Variants in TBCD observed in about 807,000 individuals in gnomAD.
TBCD encodes the protein tubulin-specific chaperone D.
TBCD carries 105 observed loss-of-function variants against 169.3 expected under a neutral mutation model. The ratio of observed to expected loss-of-function variants is 0.62; its 90% confidence interval spans 0.53 to 0.73. TBCD has a LOEUF of 0.73. Among genes scored for constraint, TBCD ranks in the 30% least tolerant of loss-of-function variants. The pLI is 0.00. For missense variants in TBCD, 1,444 were observed against 1,600.1 expected, an observed-to-expected ratio of 0.90 and a Z score of 1.66; for synonymous variants, 700 against 643.9, an observed-to-expected ratio of 1.09 and a Z score of -1.32.
chr17:82,780,282 C>T (rs1413544589), intron 6 of TBCD, among the ~76,000 whole-genome samples: 1 of 152,030 alleles, frequency 6.6e-6, no homozygotes, highest in Non-Finnish European at 1.5e-5. Context: ...AGGCCATGCC[C>T]TCCCGTTTCC....
At chr17:82,940,759 T>A (rs563811214) in intron 37 of TBCD, among the ~76,000 whole-genome samples, 88 of 151,544 alleles carry the variant, frequency 5.8e-4, no homozygotes, top group African/African-American at 7.0e-4. Context: ...ATGATTTTTT[T>A]AAAAAAAAAC....
At chr17:82,919,281 G>A (rs2061271730) in intron 23 of TBCD, among the ~76,000 whole-genome samples, 1 of 151,826 alleles carries the variant, frequency 6.6e-6, no homozygotes, top group Non-Finnish European at 1.5e-5. Flanking sequence ...GTTTCTTTTT[G>A]TTTCCCCCCT....
At chr17:82,897,472 C>T (rs985637923) in intron 17 of TBCD, among the ~76,000 whole-genome samples, 18 of 147,826 alleles carry the variant, frequency 1.2e-4, no homozygotes, top group Middle Eastern at 3.3e-3. Flanking sequence ...GAGCCGAAAT[C>T]GCGCCACTGC....
intron 3 of TBCD, among the ~76,000 whole-genome samples, chr17:82,765,553 T>C (rs544114190): frequency 6.6e-6 from 1 of 152,338 alleles, no homozygotes; most frequent in Admixed American, 6.5e-5. Context: ...ATTTCTGTTG[T>C]CTGGCGGGAA....
chr17:82,851,044 A>G (rs1302910617), intron 13 of TBCD, among the ~76,000 whole-genome samples: 1 of 152,230 alleles, frequency 6.6e-6, no homozygotes, highest in Non-Finnish European at 1.5e-5. Flanking sequence ...GAGAATACAC[A>G]TTTGTAGGCA....
chr17:82,889,763 G>A lies in TBCD; in HGVS notation c.1563+66G>A. On this transcript the variant is annotated intron_variant, in intron 16 of 38. Coordinates refer to ENST00000355528, the MANE Select transcript of TBCD (RefSeq NM_005993.5). This position sits in a 1 kb window ranked among gnomAD's most constrained non-coding sequence, Gnocchi z 5.3. ...GCGGGTTTATAGGTAGGAATCTTGA[G>A]AGCTATAACCCTGGTGTCTTCTCGC... is the stretch of plus-strand genomic sequence containing the variant. 1 of 1,586,880 alleles carries A rather than the reference G, an allele frequency of 6.3e-7. No homozygotes were observed. Among genetic ancestry groups the A allele is most frequent in the Non-Finnish European group, 8.6e-7 (1 of 1,158,770 alleles).
chr17:82,918,703 C>T (rs1471632406), intron 23 of TBCD: 2 of 152,070 alleles, frequency 1.3e-5, no homozygotes, highest in Non-Finnish European at 2.9e-5. Context: ...CCCCGCGTGC[C>T]GTTTCGTGAG....
intron 9 of TBCD, among the ~76,000 whole-genome samples, chr17:82,804,204 C>T (rs1181154238): frequency 6.6e-6 from 1 of 151,974 alleles, no homozygotes; most frequent in Non-Finnish European, 1.5e-5. Context: ...GGGCATTAGG[C>T]ATCTTGCTGG....
chr17:82,773,737 T>G (rs1442560392), intron 6 of TBCD, among the ~76,000 whole-genome samples: 1 of 151,938 alleles, frequency 6.6e-6, no homozygotes, highest in Non-Finnish European at 1.5e-5. Context: ...TCTTTTTTTT[T>G]TTTAATTGAG....
chr17:82,786,179 T>G (rs556565627), intron 7 of TBCD, among the ~76,000 whole-genome samples: 2 of 152,144 alleles, frequency 1.3e-5, no homozygotes, highest in Admixed American at 1.3e-4. Flanking sequence ...GTAGAACCTG[T>G]GGCTCACAGG....
intron 24 of TBCD, chr17:82,921,208 G>A: frequency 2.1e-6 from 1 of 481,586 alleles, no homozygotes; most frequent in African/African-American, 1.9e-5. Flanking sequence ...ACCGTTTGAA[G>A]GAAAAGATTT....
intron 2 of TBCD, among the ~76,000 whole-genome samples, chr17:82,758,937 C>T (rs1243341241): frequency 6.6e-6 from 1 of 152,122 alleles, no homozygotes; most frequent in East Asian, 1.9e-4. Context: ...GCTGGGATTA[C>T]AGGTGTGAGC....
chr17:82,772,369 A>T (rs953496511), intron 5 of TBCD, 83 bp from the exon 6 acceptor site: 29 of 1,408,212 alleles, frequency 2.1e-5, no homozygotes, highest in Non-Finnish European at 2.9e-5. Flanking sequence ...GGAGCTGGTG[A>T]GGGTGGGACT....
chr17:82,937,620 T>C, intron 35 of TBCD: 1 of 598,234 alleles, frequency 1.7e-6, no homozygotes. Flanking sequence ...GAGGGGAGGC[T>C]CCGGAAAGGA....
chr17:82,759,359 T>C (rs1289029748), intron 2 of TBCD, among the ~76,000 whole-genome samples: 1 of 152,080 alleles, frequency 6.6e-6, no homozygotes, highest in Non-Finnish European at 1.5e-5. Flanking sequence ...AGCATGCCTG[T>C]AATCCCAGCT....
At chr17:82,841,086 G>A (rs1183852170) in intron 13 of TBCD, among the ~76,000 whole-genome samples, 1 of 148,342 alleles carries the variant, frequency 6.7e-6, no homozygotes, top group Admixed American at 6.8e-5. Flanking sequence ...GGGACTACAG[G>A]CGCCTGCCAC....
intron 16 of TBCD, among the ~76,000 whole-genome samples, chr17:82,891,034 G>A (rs2059098262): frequency 6.6e-6 from 1 of 152,242 alleles, no homozygotes; most frequent in African/African-American, 2.4e-5. Context: ...CTGGAGAGGG[G>A]CGTGCTGAGG....
At chr17:82,803,881 G>A (rs537469002) in intron 9 of TBCD, among the ~76,000 whole-genome samples, 1 of 150,532 alleles carries the variant, frequency 6.6e-6, no homozygotes, top group East Asian at 2.0e-4. Flanking sequence ...GGAGACTGGG[G>A]GCTGGGGTGT....
Position 82,832,263 on chromosome 17 carries a change from C to T in TBCD, c.1318+17329C>T. 6.2e-7 allele frequency: 1 copy of T among 1,614,226 alleles called. No homozygotes were observed. The highest frequency in any genetic ancestry group is 8.5e-7 in the Non-Finnish European group (1 of 1,180,046). ...GGTCTAGTGAGTTAGATTTAGGGCA[C>T]TTGGGAACTCGATCCTGCTCTGATA... On this transcript the variant is annotated intron_variant, in intron 13 of 38. Coordinates refer to ENST00000355528, the MANE Select transcript of TBCD (RefSeq NM_005993.5). The surrounding 1 kb of genome is among the most constrained non-coding windows in gnomAD (Gnocchi z 4.9).
Sources: gnomAD v4.1 joint callset for allele counts (sites outside exome capture counted in the v4.1 genomes callset) on GRCh38, gnomAD v4.1.1 for gene constraint, Gnocchi (gnomAD v3.1) non-coding constraint, MANE v1.5 for transcripts, NCBI Gene and HGNC (gene_info 2026-07-23, HGNC 2026-07-21) for gene names.